Variants in USP33 observed in about 807,000 individuals in gnomAD.
The protein encoded by USP33 is ubiquitin carboxyl-terminal hydrolase 33.
USP33 carries 46 observed loss-of-function variants against 124.2 expected under a neutral mutation model. The ratio of observed to expected loss-of-function variants is 0.37; its 90% CI spans 0.29 to 0.47. The LOEUF is 0.47. Among genes scored for constraint, USP33 ranks in the 20% least tolerant of loss-of-function variants. The pLI is 0.99. For missense variants in USP33, 851 were observed against 1,070.6 expected, an observed-to-expected ratio of 0.79 and a Z score of 2.86; for synonymous variants, 350 against 352.3, an observed-to-expected ratio of 0.99 and a Z score of 0.07.
intron 19 of USP33, chr1:77,713,544 C>A: frequency 3.7e-6 from 1 of 271,080 alleles, no homozygotes; most frequent in Non-Finnish European, 6.6e-6. Context: ...TTCAACACAC[C>A]CAGCTAACTT....
intron 22 of USP33, among the ~76,000 whole-genome samples, chr1:77,700,201 CAAAATA>C (rs1673849290): frequency 6.6e-6 from 1 of 152,136 alleles, no homozygotes; most frequent in South Asian, 2.1e-4. Flanking sequence ...CTGGAACTTA[CAAAATA>C]AAAATAAATT....
intron 8 of USP33, among the ~76,000 whole-genome samples, 185 bp downstream of exon 8, chr1:77,730,433 T>A (rs912149426): frequency 3.9e-5 from 6 of 152,228 alleles, no homozygotes; most frequent in Non-Finnish European, 8.8e-5. Context: ...GACACCTTCA[T>A]CTGCTTCTAA....
intron 6 of USP33, among the ~76,000 whole-genome samples, chr1:77,734,910 T>C (rs541519962): frequency 1.3e-4 from 20 of 151,988 alleles, no homozygotes; most frequent in Non-Finnish European, 2.6e-4. Context: ...GATCACGAGG[T>C]CAGGAGATCG....
intron 7 of USP33, among the ~76,000 whole-genome samples, chr1:77,731,371 A>G (rs1483272956): frequency 1.3e-5 from 2 of 152,174 alleles, no homozygotes; most frequent in African/African-American, 2.4e-5. Context: ...AGCAATTTAT[A>G]AGGAAGTATA....
chr1:77,705,992 T>C (rs1420159669), intron 21 of USP33, among the ~76,000 whole-genome samples: 1 of 152,244 alleles, frequency 6.6e-6, no homozygotes, highest in Non-Finnish European at 1.5e-5. Flanking sequence ...TACGCCATGA[T>C]CTTTTTACTG....
chr1:77,738,673 G>A (rs576557262), intron 5 of USP33, among the ~76,000 whole-genome samples: 24 of 152,060 alleles, frequency 1.6e-4, no homozygotes, highest in Admixed American at 4.6e-4. Flanking sequence ...GTAGAGACGG[G>A]GTGTCACCAT....
At chr1:77,722,448 A>C in intron 12 of USP33, 1 of 308,990 alleles carries the variant, frequency 3.2e-6, no homozygotes. Context: ...TAGCATCCCC[A>C]TTACAATCAC....
chr1:77,719,590 C>T (rs1251302272), intron 15 of USP33, among the ~76,000 whole-genome samples: 3 of 152,160 alleles, frequency 2.0e-5, no homozygotes, highest in African/African-American at 7.2e-5. Flanking sequence ...CCGTGGCTCA[C>T]GCCTATAATC....
At chr1:77,750,267 G>A (rs572276754) in intron 1 of USP33, among the ~76,000 whole-genome samples, 3 of 150,882 alleles carry the variant, frequency 2.0e-5, no homozygotes, top group African/African-American at 4.9e-5. Flanking sequence ...GCAGTGAGCC[G>A]TGATCACGCC....
At chr1:77,724,834 G>A (rs1477184325) in intron 11 of USP33, among the ~76,000 whole-genome samples, 2 of 152,046 alleles carry the variant, frequency 1.3e-5, no homozygotes, top group Non-Finnish European at 2.9e-5. Flanking sequence ...GAGGTGGGGA[G>A]ATCACAAGGT....
At chr1:77,739,755 A>G (rs918259052) in intron 4 of USP33, among the ~76,000 whole-genome samples, 1 of 152,260 alleles carries the variant, frequency 6.6e-6, no homozygotes. Context: ...ATTCTAAGAA[A>G]TCAGAATGGC....
chr1:77,698,049 C>A, intron 22 of USP33, 118 bp from the exon 23 acceptor site: 7 of 704,960 alleles, frequency 9.9e-6, no homozygotes, highest in East Asian at 2.9e-5. Flanking sequence ...ATTTCTCAGG[C>A]AAATTATTAT....
chr1:77,701,615 C>A, intron 21 of USP33, 144 bp from the exon 22 acceptor site: 2 of 625,866 alleles, frequency 3.2e-6, no homozygotes, highest in Non-Finnish European at 2.8e-6. Flanking sequence ...GAGTTCCAAA[C>A]CAGTCTGGGC....
intron 17 of USP33, 168 bp downstream of exon 17, chr1:77,717,699 G>C (rs1676082807): frequency 2.5e-6 from 1 of 403,396 alleles, no homozygotes; most frequent in Admixed American, 4.4e-5. Flanking sequence ...TTGTAGAGAT[G>C]GGGTTTCACT....
At chr1:77,730,105 T>C (rs1349523844) in intron 8 of USP33, among the ~76,000 whole-genome samples, 167 bp from the exon 9 acceptor site, 1 of 152,170 alleles carries the variant, frequency 6.6e-6, no homozygotes, top group Non-Finnish European at 1.5e-5. Flanking sequence ...GAACACCTTA[T>C]CCTTGATATT....
At position 77,730,602 on chromosome 1, in the gene USP33, A is replaced by T; in HGVS notation, c.638+16T>A. 6.7e-7 allele frequency: 1 copy of T among 1,491,740 alleles called. No individual in the cohort carries two copies. Among genetic ancestry groups the T allele is most frequent in the Non-Finnish European group, 9.0e-7 (1 of 1,110,228 alleles). The allele number at this position is 1,491,740 out of a possible 1,614,324, so 92.4% of individuals were successfully genotyped here. On this transcript the variant is annotated intron_variant, in intron 8 of 23. Coordinates refer to ENST00000370794, the MANE Select transcript of USP33 (RefSeq NM_201624.3). ...TAAAAGTTTAATAAAGAAGAAGAGT[A>T]TATTAAGTTACATACCTGCTTTTAT...
In USP33 at chr1:77,709,614, T is replaced by C. The variant is rs1203618886; in HGVS notation, c.2406+2133A>G. Among the ~76,000 whole-genome samples the C allele has an allele frequency of 2.0e-5, 3 of 151,170 alleles. No homozygotes were observed. The East Asian group carries it at 5.8e-4, about 29-fold the overall frequency. On this transcript the variant is annotated intron_variant, in intron 21 of 23. Coordinates refer to ENST00000370794, the MANE Select transcript of USP33 (RefSeq NM_201624.3). ...TTTAACATTCTGTAAATATAGAACA[T>C]ATTCTCTCTCTATATAAAGCTACAT...
intron 21 of USP33, among the ~76,000 whole-genome samples, chr1:77,707,308 A>C (rs905555242): frequency 6.6e-5 from 10 of 152,178 alleles, no homozygotes; most frequent in African/African-American, 2.2e-4. Context: ...CTTGCCTGTC[A>C]TGCTTCTAAA....
At chr1:77,730,021 G>T in intron 8 of USP33, 83 bp from the exon 9 acceptor site, 1 of 1,244,878 alleles carries the variant, frequency 8.0e-7, no homozygotes, top group Non-Finnish European at 1.1e-6. Flanking sequence ...AATTCAAAGT[G>T]TTAAATAAAT....
Sources: gnomAD v4.1 joint callset for allele counts (sites outside exome capture counted in the v4.1 genomes callset) on GRCh38, gnomAD v4.1.1 for gene constraint, MANE v1.5 for transcripts, NCBI Gene and HGNC (gene_info 2026-07-23, HGNC 2026-07-21) for gene names.